Variants in CELF2 observed in about 807,000 individuals in gnomAD.
The protein encoded by CELF2 is CUG triplet repeat RNA-binding protein 2.
A neutral mutation model predicts 62.6 loss-of-function variants in CELF2; 8 were observed. The observed-to-expected ratio is 0.13, with a 90% CI of 0.07 to 0.23. The LOEUF (loss-of-function observed/expected upper bound fraction) is 0.23. Among genes scored for constraint, CELF2 ranks in the 10% least tolerant of loss-of-function variants. CELF2 has a pLI of 1.00. For synonymous variants in CELF2, 258 were observed against 250.0 expected (o/e 1.03, Z -0.30); for missense variants, 333 against 671.0 (o/e 0.50, Z 5.56).
chr10:11,123,148 G>A (rs1036851040), intron 1 of CELF2, among the ~76,000 whole-genome samples: 2 of 152,154 alleles, frequency 1.3e-5, no homozygotes, highest in Admixed American at 1.3e-4. Context: ...TATGGGAGGA[G>A]GCACTTTTTA....
the CELF2 span, among the ~76,000 whole-genome samples, chr10:10,589,625 A>T: frequency 6.6e-6 from 1 of 152,210 alleles, no homozygotes; most frequent in African/African-American, 2.4e-5. Context: ...ACAGGGGCTT[A>T]GTGATTCATT....
At chr10:10,714,931 A>T in the CELF2 span, among the ~76,000 whole-genome samples, 1 of 152,166 alleles carries the variant, frequency 6.6e-6, no homozygotes, top group South Asian at 2.1e-4. Context: ...AAGGCATTTT[A>T]CTTCCACCAT....
intron 9 of CELF2, among the ~76,000 whole-genome samples, chr10:11,294,604 T>A (rs2092929699): frequency 6.6e-6 from 1 of 152,228 alleles, no homozygotes. Context: ...AATGGGCTGT[T>A]CATGTGTGGG....
intron 10 of CELF2, chr10:11,320,817 G>A (rs1186531346): frequency 6.7e-7 from 1 of 1,494,186 alleles, no homozygotes; most frequent in South Asian, 1.2e-5. Context: ...ACAGGCCTCT[G>A]CTACTAAGGT....
chr10:10,777,415 C>T, the CELF2 span, among the ~76,000 whole-genome samples: 85 of 152,324 alleles, frequency 5.6e-4, no homozygotes, highest in African/African-American at 1.9e-3. Context: ...GATGCAATCA[C>T]ATGTAACAAG....
chr10:11,039,583 A>G lies in CELF2; in HGVS notation c.74+21420A>G, dbSNP rs1224332928. Among the ~76,000 whole-genome samples, 2 of 152,164 alleles carry G rather than the reference A, an allele frequency of 1.3e-5. No homozygotes were observed. The highest frequency in any genetic ancestry group is 4.8e-5 in the African/African-American group (2 of 41,440). The stretch of plus-strand genomic sequence containing the variant: ...GTACACATCTTATTTTGTAAGCTTT[A>G]CACGCTTCTAATGCATGTTACTGAA... On this transcript the variant is annotated intron_variant, in intron 1 of 12. Coordinates refer to ENST00000633077, the MANE Select transcript of CELF2 (RefSeq NM_001326342.2). The surrounding 1 kb of genome is among the most constrained non-coding windows in gnomAD (Gnocchi z 4.1).
At chr10:10,923,598 A>T (rs2065128398) in intron 2 of CELF2, among the ~76,000 whole-genome samples, 2 of 152,208 alleles carry the variant, frequency 1.3e-5, no homozygotes, top group African/African-American at 4.8e-5. Context: ...TGATAACCTA[A>T]ATGTGTTTTT....
At chr10:11,298,940 C>G (rs996360754) in intron 9 of CELF2, among the ~76,000 whole-genome samples, 2 of 152,168 alleles carry the variant, frequency 1.3e-5, no homozygotes, top group Non-Finnish European at 2.9e-5. Context: ...ATATTTTTCT[C>G]TGAATCTCTT....
At chr10:10,669,687 G>A in the CELF2 span, among the ~76,000 whole-genome samples, 1 of 152,140 alleles carries the variant, frequency 6.6e-6, no homozygotes, top group Non-Finnish European at 1.5e-5. Flanking sequence ...AGCTGGATTA[G>A]TCATTTTCAC....
chr10:11,141,364 C>T (rs940048457), intron 1 of CELF2, among the ~76,000 whole-genome samples: 5 of 152,092 alleles, frequency 3.3e-5, no homozygotes, highest in African/African-American at 7.2e-5. Context: ...ACCAGGGGGC[C>T]GACCAGTCAG....
At chr10:11,094,038 C>G (rs572084818) in intron 1 of CELF2, among the ~76,000 whole-genome samples, 1 of 152,124 alleles carries the variant, frequency 6.6e-6, no homozygotes, top group Non-Finnish European at 1.5e-5. Context: ...TATGAGTTCT[C>G]GGAGATTCAA....
intron 1 of CELF2, among the ~76,000 whole-genome samples, chr10:10,834,761 A>C (rs1430552230): frequency 6.6e-6 from 1 of 152,200 alleles, no homozygotes; most frequent in African/African-American, 2.4e-5. Context: ...GTTTGATGTG[A>C]TAGATAATAA....
At position 11,254,344 on chromosome 10, in the gene CELF2, C is replaced by T. The variant is rs146246220; in HGVS notation, c.404-3394C>T. On this transcript the variant is annotated intron_variant, in intron 4 of 12. Transcript: ENST00000633077. The stretch of plus-strand genomic sequence containing the variant: ...CCAAAGCCCAGCACTTCTGTGCACA[C>T]GCACAGGTGCGCTCACACGCCACAC... Among the ~76,000 whole-genome samples the T allele has an allele frequency of 8.1e-3, 1,233 of 152,316 alleles. 11 individuals are homozygous for T. The highest frequency in any genetic ancestry group is 0.02 in the Middle Eastern group (6 of 294).
intron 1 of CELF2, among the ~76,000 whole-genome samples, chr10:10,810,634 G>A (rs2055768515): frequency 6.6e-6 from 1 of 152,176 alleles, no homozygotes; most frequent in Admixed American, 6.5e-5. Flanking sequence ...AGAATGCAGG[G>A]GAGTGGAAGG....
chr10:10,509,268 T>C, the CELF2 span, among the ~76,000 whole-genome samples: 1 of 152,192 alleles, frequency 6.6e-6, no homozygotes, highest in African/African-American at 2.4e-5. Flanking sequence ...TTATGCCTGC[T>C]TGTGATGTTG....
chr10:10,701,189 A>G, the CELF2 span, among the ~76,000 whole-genome samples: 2 of 152,236 alleles, frequency 1.3e-5, no homozygotes, highest in Admixed American at 1.3e-4. Flanking sequence ...GCTGGGAGAA[A>G]GGAGAGCATC....
upstream of CELF2, chr10:11,017,861 C>T: frequency 1.3e-6 from 1 of 798,478 alleles, no homozygotes; most frequent in Non-Finnish European, 1.5e-6. This position sits in a 1 kb window ranked among gnomAD's most constrained non-coding sequence, Gnocchi z 5.5. Flanking sequence ...GGCGGGCGCC[C>T]CGCGAGCTCC....
chr10:10,974,245 CCT>C (rs1489702068), intron 2 of CELF2, among the ~76,000 whole-genome samples: 3 of 152,132 alleles, frequency 2.0e-5, no homozygotes, highest in Admixed American at 2.0e-4. Flanking sequence ...ATGTTAGATT[CCT>C]CTGTTTCCTA....
the CELF2 span, among the ~76,000 whole-genome samples, chr10:10,551,468 G>T: frequency 2.6e-5 from 4 of 152,100 alleles, no homozygotes; most frequent in Admixed American, 2.0e-4. Flanking sequence ...GCCTTGTCTT[G>T]AAGAGGAAAC....
Sources: gnomAD v4.1 joint callset for allele counts (sites outside exome capture counted in the v4.1 genomes callset) on GRCh38, gnomAD v4.1.1 for gene constraint, Gnocchi (gnomAD v3.1) non-coding constraint, MANE v1.5 for transcripts, NCBI Gene and HGNC (gene_info 2026-07-23, HGNC 2026-07-21) for gene names.